Variants in NCKAP5 observed in about 807,000 individuals in gnomAD.
NCKAP5 encodes nck-associated protein 5.
A neutral mutation model predicts 167.0 loss-of-function variants in NCKAP5; 92 were observed. That is an observed-to-expected ratio of 0.55 (90% CI 0.47 to 0.66). The LOEUF is 0.66. NCKAP5 is among the 30% of genes least tolerant of loss of function. The pLI is 0.00. For synonymous variants in NCKAP5, 891 were observed against 877.4 expected, an observed-to-expected ratio of 1.02 and a Z score of -0.27; for missense variants, 2,378 against 2,315.0, an observed-to-expected ratio of 1.03 and a Z score of -0.56.
chr2:133,627,373 A>G, the NCKAP5 span, among the ~76,000 whole-genome samples: 1 of 152,266 alleles, frequency 6.6e-6, no homozygotes, highest in East Asian at 1.9e-4. Context: ...CAATTTTATA[A>G]TATTTAAAAC....
intron 4 of NCKAP5, among the ~76,000 whole-genome samples, chr2:133,285,835 C>A (rs1679079862): frequency 6.6e-6 from 1 of 152,114 alleles, no homozygotes. Context: ...CCATCCTTCC[C>A]AATATTCCTT....
chr2:132,997,561 G>T (rs1232608203), intron 6 of NCKAP5, among the ~76,000 whole-genome samples: 1 of 152,084 alleles, frequency 6.6e-6, no homozygotes, highest in Non-Finnish European at 1.5e-5. Context: ...AGGTTAGATG[G>T]TTTGCTTAAG....
Position 133,491,723 on chromosome 2 carries a change from G to A in NCKAP5, c.69+25735C>T, listed in dbSNP as rs1681462228. Among the ~76,000 whole-genome samples the A allele has an allele frequency of 5.9e-5, 9 of 152,288 alleles. No individual in the cohort carries two copies. The South Asian group carries it at 1.9e-3, about 32-fold the overall frequency. ...CAGCTTTTCTGCTAAGGAGATGGGA[G>A]CATAGTTGAAGGGCCATAAGATGAC... On this transcript the variant is annotated intron_variant, in intron 3 of 19. Coordinates refer to ENST00000409261, the MANE Select transcript of NCKAP5 (RefSeq NM_207363.3).
chr2:132,753,824 C>T (rs1038206297), intron 16 of NCKAP5, among the ~76,000 whole-genome samples: 4 of 152,180 alleles, frequency 2.6e-5, no homozygotes, highest in Admixed American at 2.6e-4. Context: ...CTGTGGGTGA[C>T]CCATCCCCTT....
chr2:133,075,454 T>G (rs2080567240), intron 6 of NCKAP5, among the ~76,000 whole-genome samples: 1 of 152,198 alleles, frequency 6.6e-6, no homozygotes, highest in South Asian at 2.1e-4. Context: ...ATAAATGTAT[T>G]ATTTTTATTC....
At chr2:133,647,147 T>A in the NCKAP5 span, among the ~76,000 whole-genome samples, 1 of 151,952 alleles carries the variant, frequency 6.6e-6, no homozygotes, top group African/African-American at 2.4e-5. Context: ...GACTAGCCTG[T>A]GCAACATAGC....
intron 5 of NCKAP5, among the ~76,000 whole-genome samples, chr2:133,168,080 T>C (rs752753823): frequency 2.0e-5 from 3 of 152,104 alleles, no homozygotes; most frequent in Admixed American, 6.6e-5. Flanking sequence ...CAAGCTGAAA[T>C]TATTATTCCC....
At chr2:133,374,619 G>T (rs537905359) in intron 3 of NCKAP5, among the ~76,000 whole-genome samples, 26 of 151,378 alleles carry the variant, frequency 1.7e-4, no homozygotes, top group African/African-American at 5.8e-4. Flanking sequence ...CATGTCTAGG[G>T]CAGTGGGTGG....
At chr2:133,314,480 G>A (rs1681463178) in intron 3 of NCKAP5, among the ~76,000 whole-genome samples, 1 of 152,090 alleles carries the variant, frequency 6.6e-6, no homozygotes, top group Admixed American at 6.5e-5. Context: ...TGTTTCTAAT[G>A]CTGCTGGTCT....
chr2:133,294,075 C>T (rs1330095222), intron 4 of NCKAP5, among the ~76,000 whole-genome samples: 1 of 152,188 alleles, frequency 6.6e-6, no homozygotes, highest in African/African-American at 2.4e-5. Flanking sequence ...GCTTTTATTG[C>T]TATTACAGAG....
At position 132,908,242 on chromosome 2, in the gene NCKAP5, C is replaced by G. The variant is rs1171462267; in HGVS notation, c.580-29326G>C. Among the ~76,000 whole-genome samples the G allele has an allele frequency of 2.6e-5, 4 of 151,858 alleles. 1 individual carries two copies. In the East Asian group the frequency reaches 7.7e-4, roughly 29 times the overall value. On this transcript the variant is annotated intron_variant, in intron 8 of 19. Coordinates refer to ENST00000409261, the MANE Select transcript of NCKAP5 (RefSeq NM_207363.3). ...AATTACATCATCTTGATTTTTCTTTCCCTAAATTAAGTAGCTGTGGCCTGA... is the reference window on the plus strand; with the variant it reads ...AATTACATCATCTTGATTTTTCTTTGCCTAAATTAAGTAGCTGTGGCCTGA...
intron 3 of NCKAP5, among the ~76,000 whole-genome samples, chr2:133,414,370 C>T (rs570454148): frequency 6.6e-6 from 1 of 152,274 alleles, no homozygotes; most frequent in Admixed American, 6.5e-5. Flanking sequence ...CATTAGAAAC[C>T]TGTCCCCTTT....
chr2:132,975,282 A>G (rs983220041), intron 7 of NCKAP5, among the ~76,000 whole-genome samples: 7 of 152,206 alleles, frequency 4.6e-5, no homozygotes, highest in Non-Finnish European at 8.8e-5. Context: ...CCAAGATTAA[A>G]TGTGTATGAT....
At chr2:132,985,621 G>T (rs1423179355) in intron 7 of NCKAP5, among the ~76,000 whole-genome samples, 3 of 152,104 alleles carry the variant, frequency 2.0e-5, no homozygotes, top group East Asian at 1.9e-4. Flanking sequence ...GAGAAATTCC[G>T]CCTTCTGTAT....
At chr2:133,239,171 T>C (rs2087563094) in intron 4 of NCKAP5, among the ~76,000 whole-genome samples, 3 of 152,204 alleles carry the variant, frequency 2.0e-5, no homozygotes, top group African/African-American at 7.2e-5. Context: ...CTAAAATATG[T>C]TCACTTATTA....
intron 3 of NCKAP5, among the ~76,000 whole-genome samples, chr2:133,478,713 G>A (rs139024918): frequency 9.4e-4 from 143 of 152,222 alleles, no homozygotes; most frequent in Middle Eastern, 3.4e-3. Flanking sequence ...AGTCAACTGC[G>A]ATGCATTTCA....
At chr2:132,979,946 G>A (rs1395000045) in intron 7 of NCKAP5, among the ~76,000 whole-genome samples, 1 of 151,264 alleles carries the variant, frequency 6.6e-6, no homozygotes, top group Non-Finnish European at 1.5e-5. Flanking sequence ...AGAAAAATCA[G>A]CCAAGCCTTG....
intron 3 of NCKAP5, among the ~76,000 whole-genome samples, chr2:133,443,345 A>C (rs1690975102): frequency 1.3e-5 from 2 of 152,190 alleles, no homozygotes; most frequent in Non-Finnish European, 2.9e-5. Context: ...TCAGGACATT[A>C]GTGAAACAAA....
At chr2:133,346,188 G>A (rs1683965253) in intron 3 of NCKAP5, among the ~76,000 whole-genome samples, 1 of 152,162 alleles carries the variant, frequency 6.6e-6, no homozygotes. Context: ...GTAGAAAGCA[G>A]GGACAATACA....
Sources: allele counts gnomAD v4.1 joint callset (sites outside exome capture counted in the v4.1 genomes callset), GRCh38; gene constraint gnomAD v4.1.1; transcripts MANE v1.5; gene names NCBI Gene and HGNC (gene_info 2026-07-23, HGNC 2026-07-21).